OCA2: variants seen among roughly 807,000 people sequenced by gnomAD.
OCA2 encodes OCA2 melanosomal transmembrane protein, also known as P protein.
In OCA2, 77 loss-of-function variants were observed where a neutral mutation model predicts 100.2. The observed-to-expected ratio is 0.77, with a 90% CI of 0.64 to 0.93. The LOEUF (loss-of-function observed/expected upper bound fraction) is 0.93, where lower values mean the gene tolerates loss of function less well. OCA2 is among the 40% of genes least tolerant of loss of function. OCA2 has a pLI of 0.00. For missense variants in OCA2, 1,062 were observed against 1,089.1 expected (o/e 0.98, Z 0.35); for synonymous variants, 432 against 439.2 (o/e 0.98, Z 0.21).
chr15:27,737,635 A>G, the OCA2 span, among the ~76,000 whole-genome samples: 1 of 152,266 alleles, frequency 6.6e-6, no homozygotes, highest in Non-Finnish European at 1.5e-5. Context: ...GGCAAACAGT[A>G]GAATTTCTAC....
At chr15:27,808,683 G>A (rs752288465) in intron 23 of OCA2, among the ~76,000 whole-genome samples, 8 of 152,292 alleles carry the variant, frequency 5.3e-5, no homozygotes, top group Admixed American at 6.5e-5. Flanking sequence ...GATGGGTAGG[G>A]AGCACTGCGC....
chr15:27,903,201 CT>C (rs888480028), intron 19 of OCA2, among the ~76,000 whole-genome samples: 2 of 152,238 alleles, frequency 1.3e-5, no homozygotes, highest in Non-Finnish European at 2.9e-5. Flanking sequence ...GCCGTGAACC[CT>C]CAAAGCAGGC....
chr15:28,022,547 T>C lies in OCA2; in HGVS notation c.600A>G (p.Gln200=). The change falls in exon 6 of 24, where the codon CAA becomes CAG. Residue 200 remains glutamine (Q), a synonymous_variant. Transcript: ENST00000354638. ...CSILFSLYPD[Q]GKLWQLLALS... ...AGGCCAACAGCTGCCAGAGCTTTCCTTGATCCGGATATAGGCTGAACAAAA... is the reference window on the plus strand; with the variant it reads ...AGGCCAACAGCTGCCAGAGCTTTCCCTGATCCGGATATAGGCTGAACAAAA... 4 of 1,614,068 alleles carry C rather than the reference T, an allele frequency of 2.5e-6. No individual in the cohort carries two copies. The highest frequency in any genetic ancestry group is 3.4e-6 in the Non-Finnish European group (4 of 1,179,896).
At chr15:27,876,909 T>A (rs2036815238) in intron 19 of OCA2, among the ~76,000 whole-genome samples, 1 of 151,906 alleles carries the variant, frequency 6.6e-6, no homozygotes, top group Non-Finnish European at 1.5e-5. Flanking sequence ...GATCTTATGG[T>A]TATTAGTTTC....
chr15:27,975,485 G>A (rs2040936935), intron 14 of OCA2, among the ~76,000 whole-genome samples: 1 of 152,172 alleles, frequency 6.6e-6, no homozygotes, highest in African/African-American at 2.4e-5. Context: ...GTGGACTAAA[G>A]TTCATTTTTC....
chr15:27,799,154 G>T (rs1874835), intron 23 of OCA2, among the ~76,000 whole-genome samples: 26,921 of 152,238 alleles, frequency 0.18, 3,094 homozygotes, highest in African/African-American at 0.32. Flanking sequence ...AGGAACAGGG[G>T]AGACGATCGC....
At chr15:27,970,058 G>A (rs2040718783) in intron 14 of OCA2, among the ~76,000 whole-genome samples, 1 of 152,088 alleles carries the variant, frequency 6.6e-6, no homozygotes, top group Non-Finnish European at 1.5e-5. Flanking sequence ...GCCAGACGGG[G>A]GTGTGGGTCT....
chr15:27,993,705 A>C (rs2041630729), intron 9 of OCA2, among the ~76,000 whole-genome samples: 1 of 151,946 alleles, frequency 6.6e-6, no homozygotes, highest in African/African-American at 2.4e-5. Context: ...CCGGCTTGCA[A>C]GTGATCCACA....
chr15:27,871,381 AG>A, intron 20 of OCA2, 123 bp from the exon 21 acceptor site: 1 of 736,120 alleles, frequency 1.4e-6, no homozygotes, highest in Non-Finnish European at 2.4e-6. Flanking sequence ...CACGAGACCA[AG>A]GCAGACATAG....
chr15:27,919,806 G>T (rs988063885), intron 19 of OCA2, among the ~76,000 whole-genome samples: 1 of 152,118 alleles, frequency 6.6e-6, no homozygotes, highest in African/African-American at 2.4e-5. Flanking sequence ...ATCAATTTAG[G>T]TTCATAAATC....
chr15:27,815,147 G>A (rs1314800636), intron 23 of OCA2, among the ~76,000 whole-genome samples: 4 of 152,074 alleles, frequency 2.6e-5, no homozygotes, highest in African/African-American at 9.7e-5. Context: ...AGAAATTATT[G>A]GAGGACATGA....
chr15:27,961,612 T>C (rs1327851791), intron 15 of OCA2, among the ~76,000 whole-genome samples: 2 of 152,166 alleles, frequency 1.3e-5, no homozygotes, highest in Non-Finnish European at 2.9e-5. Context: ...TGGAATACTA[T>C]GCAGCCATAA....
intron 22 of OCA2, among the ~76,000 whole-genome samples, chr15:27,848,219 C>T (rs958575165): frequency 6.6e-6 from 1 of 152,204 alleles, no homozygotes; most frequent in African/African-American, 2.4e-5. Context: ...AACCCAGCTG[C>T]CCATCCCTCC....
chr15:27,746,155 A>G, the OCA2 span, among the ~76,000 whole-genome samples: 1 of 152,172 alleles, frequency 6.6e-6, no homozygotes, highest in Non-Finnish European at 1.5e-5. Context: ...CTCTTCATCA[A>G]CATTAAAATT....
chr15:27,737,982 G>T, the OCA2 span, among the ~76,000 whole-genome samples: 3 of 152,122 alleles, frequency 2.0e-5, no homozygotes, highest in Non-Finnish European at 4.4e-5. Flanking sequence ...TTACACACCC[G>T]CCAGAATGCC....
At chr15:27,975,861 A>C (rs1242928145) in intron 14 of OCA2, among the ~76,000 whole-genome samples, 2 of 152,166 alleles carry the variant, frequency 1.3e-5, no homozygotes, top group African/African-American at 4.8e-5. Context: ...GAATTTATAG[A>C]TTAATTTGGA....
intron 14 of OCA2, among the ~76,000 whole-genome samples, chr15:27,967,576 C>T (rs2040614131): frequency 6.6e-6 from 1 of 152,174 alleles, no homozygotes; most frequent in Non-Finnish European, 1.5e-5. Flanking sequence ...CATTTAAGTC[C>T]CTGCCATCGG....
intron 23 of OCA2, among the ~76,000 whole-genome samples, chr15:27,777,904 G>C (rs1037094139): frequency 1.3e-5 from 2 of 152,200 alleles, no homozygotes; most frequent in African/African-American, 4.8e-5. Flanking sequence ...CTGAAAAACA[G>C]ACAGAGGTAC....
chr15:27,889,423 T>C (rs141086360), intron 19 of OCA2, among the ~76,000 whole-genome samples: 3 of 152,280 alleles, frequency 2.0e-5, no homozygotes, highest in Non-Finnish European at 4.4e-5. Flanking sequence ...AGTCATCCTG[T>C]CTGGACATGA....
Sources: allele counts gnomAD v4.1 joint callset (sites outside exome capture counted in the v4.1 genomes callset), GRCh38; gene constraint gnomAD v4.1.1; transcripts MANE v1.5; gene names NCBI Gene and HGNC (gene_info 2026-07-23, HGNC 2026-07-21).